ZNF385D: variants seen among roughly 807,000 people sequenced by gnomAD.
The protein encoded by ZNF385D is zinc finger protein 385D.
ZNF385D carries 15 observed loss-of-function variants against 35.8 expected under a neutral mutation model. The ratio of observed to expected loss-of-function variants is 0.42; its 90% CI spans 0.28 to 0.64. The LOEUF is 0.64. Among genes scored for constraint, ZNF385D ranks in the 30% least tolerant of loss-of-function variants. The probability of loss-of-function intolerance (pLI) is 0.23; values close to 1 mark genes in which losing one functional copy is unlikely to be tolerated. For missense variants in ZNF385D, 474 were observed against 494.6 expected (o/e 0.96, Z 0.39); for synonymous variants, 212 against 186.8 (o/e 1.13, Z -1.10).
intron 2 of ZNF385D, among the ~76,000 whole-genome samples, chr3:22,244,103 A>C (rs139809927): frequency 6.6e-6 from 1 of 150,756 alleles, no homozygotes; most frequent in Non-Finnish European, 1.5e-5. Flanking sequence ...CTTGAAGCCA[A>C]TGAACCTCTA....
At chr3:21,966,449 T>C (rs1323803080) in intron 3 of ZNF385D, among the ~76,000 whole-genome samples, 1 of 152,216 alleles carries the variant, frequency 6.6e-6, no homozygotes, top group Non-Finnish European at 1.5e-5. Context: ...TAACATTTCT[T>C]GGACTGGTTT....
chr3:21,450,681 G>A (rs1415605534), intron 4 of ZNF385D, among the ~76,000 whole-genome samples: 1 of 152,042 alleles, frequency 6.6e-6, no homozygotes, highest in African/African-American at 2.4e-5. Context: ...TAATTCAAGC[G>A]CACACATAAT....
At chr3:21,958,444 G>C (rs907052002) in intron 3 of ZNF385D, among the ~76,000 whole-genome samples, 7 of 152,036 alleles carry the variant, frequency 4.6e-5, no homozygotes, top group African/African-American at 1.7e-4. Context: ...ATCACTATTA[G>C]AACTAAGTGA....
intron 3 of ZNF385D, among the ~76,000 whole-genome samples, chr3:22,030,086 T>C (rs1438530634): frequency 2.0e-5 from 3 of 151,084 alleles, no homozygotes; most frequent in Non-Finnish European, 4.4e-5. Flanking sequence ...GAGATGAGCC[T>C]AGCCTCCCAG....
intron 1 of ZNF385D, among the ~76,000 whole-genome samples, chr3:21,671,853 G>A (rs1170785068): frequency 2.0e-5 from 3 of 152,112 alleles, no homozygotes; most frequent in Non-Finnish European, 4.4e-5. Flanking sequence ...TTTATCCCCA[G>A]CATGGGAACA....
In ZNF385D at chr3:22,042,414, A is replaced by T. The variant is rs1698722642; in HGVS notation, c.325+126403T>A. The stretch of plus-strand genomic sequence containing the variant: ...CTTTGCCATGCATGTAGATTTCTAT[A>T]CTTAGTTGTGATAGGGCTAAAAAAA... On this transcript the variant is annotated intron_variant, in intron 3 of 5. Coordinates refer to the ZNF385D transcript ENST00000494108. Among the ~76,000 whole-genome samples, 3 of 151,974 alleles carry T rather than the reference A, an allele frequency of 2.0e-5. 1 individual carries two copies. The South Asian group carries it at 6.2e-4, about 31-fold the overall frequency.
At chr3:21,915,569 G>A (rs962753176) in intron 3 of ZNF385D, among the ~76,000 whole-genome samples, 2 of 151,936 alleles carry the variant, frequency 1.3e-5, no homozygotes, top group African/African-American at 2.4e-5. Context: ...TTGTATTAGT[G>A]TTTACGGTAA....
At chr3:21,996,103 C>T (rs1282899919) in intron 3 of ZNF385D, among the ~76,000 whole-genome samples, 1 of 152,042 alleles carries the variant, frequency 6.6e-6, no homozygotes, top group Non-Finnish European at 1.5e-5. Context: ...GGGCTGGGCT[C>T]TCAAAATGGA....
intron 3 of ZNF385D, among the ~76,000 whole-genome samples, chr3:22,031,682 T>A (rs1698012270): frequency 6.6e-6 from 1 of 152,110 alleles, no homozygotes; most frequent in Non-Finnish European, 1.5e-5. Context: ...CTGGAGACAT[T>A]TTCCCCATTG....
chr3:22,210,471 T>C (rs770769683), intron 2 of ZNF385D, among the ~76,000 whole-genome samples: 2 of 151,662 alleles, frequency 1.3e-5, no homozygotes, highest in Non-Finnish European at 2.9e-5. Flanking sequence ...ATCTAAAGAA[T>C]CCATACAGCT....
chr3:21,936,690 T>C (rs1375321049), intron 3 of ZNF385D, among the ~76,000 whole-genome samples: 1 of 152,158 alleles, frequency 6.6e-6, no homozygotes, highest in Non-Finnish European at 1.5e-5. Flanking sequence ...TAGCATAGTT[T>C]AGAGCTCAAG....
intron 3 of ZNF385D, among the ~76,000 whole-genome samples, chr3:21,544,729 C>A (rs2062310586): frequency 6.6e-6 from 1 of 152,102 alleles, no homozygotes. Context: ...GTTTTTGCTT[C>A]TTTAAAATTT....
chr3:22,220,493 C>T (rs762906794), intron 2 of ZNF385D, among the ~76,000 whole-genome samples: 1 of 152,164 alleles, frequency 6.6e-6, no homozygotes, highest in African/African-American at 2.4e-5. Flanking sequence ...TCAGTGGAAC[C>T]TATTTCCCAC....
At chr3:21,884,568 A>T (rs1698443944) in intron 3 of ZNF385D, among the ~76,000 whole-genome samples, 1 of 152,082 alleles carries the variant, frequency 6.6e-6, no homozygotes, top group Non-Finnish European at 1.5e-5. Context: ...CCAACATTAA[A>T]AAATTAATTA....
chr3:21,915,803 G>A (rs535470343), intron 3 of ZNF385D, among the ~76,000 whole-genome samples: 91 of 152,254 alleles, frequency 6.0e-4, no homozygotes, highest in African/African-American at 2.0e-3. Context: ...ACCTTTGATG[G>A]GATTCAAGGC....
At chr3:22,258,057 T>C (rs1244638913) in intron 2 of ZNF385D, among the ~76,000 whole-genome samples, 3 of 151,810 alleles carry the variant, frequency 2.0e-5, no homozygotes, top group Non-Finnish European at 4.4e-5. Context: ...AAATGTTTCC[T>C]ACAGAGGTAC....
intron 1 of ZNF385D, among the ~76,000 whole-genome samples, chr3:21,748,309 C>G (rs933736769): frequency 8.0e-5 from 12 of 150,640 alleles, no homozygotes; most frequent in Non-Finnish European, 1.5e-4. Flanking sequence ...CAACTGACTC[C>G]AACTAAGCAA....
At chr3:22,203,642 C>T (rs1283109410) in intron 2 of ZNF385D, among the ~76,000 whole-genome samples, 2 of 152,122 alleles carry the variant, frequency 1.3e-5, no homozygotes, top group South Asian at 4.1e-4. Flanking sequence ...ACAGTCACCA[C>T]TAGCTGACTG....
intron 2 of ZNF385D, among the ~76,000 whole-genome samples, chr3:22,256,829 T>C (rs185376337): frequency 6.6e-6 from 1 of 152,040 alleles, no homozygotes; most frequent in African/African-American, 2.4e-5. Flanking sequence ...AACTCTCTCG[T>C]CTTCACAGAT....
Sources: gnomAD v4.1 joint callset for allele counts (sites outside exome capture counted in the v4.1 genomes callset) on GRCh38, gnomAD v4.1.1 for gene constraint, MANE v1.5 for transcripts, NCBI Gene and HGNC (gene_info 2026-07-23, HGNC 2026-07-21) for gene names.